The following MAGI3 variants were observed in gnomAD, a reference collection of about 807,000 sequenced individuals.
MAGI3 encodes the protein membrane associated guanylate kinase, WW and PDZ domain containing 3, also known as membrane-associated guanylate kinase, WW and PDZ domain-containing protein 3.
In MAGI3, 43 loss-of-function variants were observed where a neutral mutation model predicts 121.8. The ratio of observed to expected loss-of-function variants is 0.35; its 90% CI spans 0.28 to 0.46. The LOEUF (loss-of-function observed/expected upper bound fraction) is 0.46, where lower values mean the gene tolerates loss of function less well. Ranked by LOEUF, MAGI3 falls within the 20% of genes least tolerant of loss-of-function variation. The pLI, the probability that MAGI3 is intolerant of heterozygous loss-of-function variation, is 1.00. For synonymous variants in MAGI3, 553 were observed against 639.3 expected (o/e 0.86, Z 2.04); for missense variants, 1,547 against 1,797.3 (o/e 0.86, Z 2.52).
At chr1:113,532,432 A>G (rs944153151) in intron 1 of MAGI3, among the ~76,000 whole-genome samples, 3 of 151,560 alleles carry the variant, frequency 2.0e-5, no homozygotes, top group Non-Finnish European at 4.4e-5. Flanking sequence ...TTTTTTTTTA[A>G]GTTGTAAAAA....
chr1:113,592,563 C>A (rs572610934), intron 5 of MAGI3, among the ~76,000 whole-genome samples: 2 of 152,168 alleles, frequency 1.3e-5, no homozygotes, highest in South Asian at 4.1e-4. Context: ...GGCTCCTAGG[C>A]CCCTGAGTTC....
intron 6 of MAGI3, among the ~76,000 whole-genome samples, chr1:113,606,748 T>G (rs1649798481): frequency 6.6e-6 from 1 of 152,202 alleles, no homozygotes; most frequent in African/African-American, 2.4e-5. Flanking sequence ...CTCATAATCA[T>G]CTATGCCAAA....
intron 11 of MAGI3, 131 bp from the exon 12 acceptor site, chr1:113,646,355 C>A: frequency 1.6e-6 from 1 of 619,122 alleles, no homozygotes; most frequent in Non-Finnish European, 2.6e-6. Context: ...AACTGTAAAT[C>A]TGCTGTGTCT....
At chr1:113,674,634 T>A (rs983616705) in intron 19 of MAGI3, among the ~76,000 whole-genome samples, 2 of 152,108 alleles carry the variant, frequency 1.3e-5, no homozygotes, top group Non-Finnish European at 2.9e-5. Flanking sequence ...CTGGTAATTA[T>A]TAGATGGTAT....
At chr1:113,623,399 C>CTATA (rs34212342) in intron 9 of MAGI3, among the ~76,000 whole-genome samples, 105 of 143,372 alleles carry the variant, frequency 7.3e-4, no homozygotes, top group African/African-American at 2.6e-3. Context: ...TTCCTTCTAG[C>CTATA]TATATATATA....
At chr1:113,393,981 A>C (rs1650959527) in intron 1 of MAGI3, among the ~76,000 whole-genome samples, 1 of 152,188 alleles carries the variant, frequency 6.6e-6, no homozygotes, top group Non-Finnish European at 1.5e-5. Context: ...ATGTAATACT[A>C]ATCGGAAATG....
At chr1:113,549,374 T>C (rs1011576766) in intron 1 of MAGI3, 141 bp from the exon 2 acceptor site, 5 of 494,338 alleles carry the variant, frequency 1.0e-5, no homozygotes, top group East Asian at 3.2e-5. Flanking sequence ...TGTTCTTTTC[T>C]TTTTAGTAAA....
intron 7 of MAGI3, 145 bp from the exon 8 acceptor site, chr1:113,619,591 T>C (rs1165147219): frequency 1.7e-5 from 9 of 520,568 alleles, no homozygotes; most frequent in Non-Finnish European, 2.4e-5. Context: ...CCCTCTGCTA[T>C]CATCTATCAG....
chr1:113,630,598 A>G (rs561884101), intron 9 of MAGI3, among the ~76,000 whole-genome samples: 2 of 152,290 alleles, frequency 1.3e-5, no homozygotes, highest in East Asian at 1.9e-4. Flanking sequence ...AGAGCCCAGT[A>G]TCCGTGGTGT....
At chr1:113,631,721 A>G (rs1025649149) in intron 9 of MAGI3, among the ~76,000 whole-genome samples, 13 of 152,132 alleles carry the variant, frequency 8.5e-5, no homozygotes, top group African/African-American at 3.1e-4. Flanking sequence ...CGTTTTTCCC[A>G]AGTTTGTTTG....
intron 6 of MAGI3, among the ~76,000 whole-genome samples, chr1:113,597,353 T>C (rs1393906574): frequency 6.6e-6 from 1 of 152,194 alleles, no homozygotes; most frequent in African/African-American, 2.4e-5. Context: ...AGGAATCTTC[T>C]TGGAGTTATG....
In MAGI3 at chr1:113,437,854, CTTCTTCTTCCTCTTCTTCTT is replaced by C. The variant is rs1557756995; in HGVS notation, c.316+46506_316+46525del. ...TCTTCTTCTTCTTCTTCTTCTTCTT[CTTCTTCTTCCTCTTCTTCTT>C]CTTCTCCTTCTCCTTCTCCTTCTCC... On this transcript the variant is annotated intron_variant, in intron 1 of 20. Coordinates refer to ENST00000307546, the MANE Select transcript of MAGI3 (RefSeq NM_001142782.2). 9.3e-3 allele frequency among the ~76,000 whole-genome samples: 476 copies of C among 51,154 alleles called. 22 individuals are homozygous for C. Among genetic ancestry groups the C allele is most frequent in the Admixed American group, 9.6e-3 (44 of 4,588 alleles). The allele number at this position is 51,154 out of a possible 152,430, so 33.6% of individuals were successfully genotyped here.
At chr1:113,527,104 T>G (rs1432436131) in intron 1 of MAGI3, among the ~76,000 whole-genome samples, 1 of 152,208 alleles carries the variant, frequency 6.6e-6, no homozygotes, top group African/African-American at 2.4e-5. Flanking sequence ...AAGTGTTCTA[T>G]AATAGTTATT....
chr1:113,646,567 A>G lies in MAGI3; in HGVS notation c.2080A>G (p.Ile694Val). 1 of 1,613,790 alleles carries G rather than the reference A, an allele frequency of 6.2e-7. No individual in the cohort carries two copies. The highest frequency in any genetic ancestry group is 2.2e-5 in the East Asian group (1 of 44,844). Residue 694 changes from isoleucine (I) to valine (V), a missense_variant, in exon 12 of 21, where the codon ATT becomes GTT. By Grantham distance (29) the Ile-to-Val change is conservative. Transcript: ENST00000307546. The part of the protein sequence containing the change: ...IPQPMPFPPS[I>V]IRSGSPKLDP... ...TCAGCCTATGCCTTTTCCACCGAGC[A>G]TTATCAGGTCAGGATCCCCAAAATT...
chr1:113,616,461 C>T (rs1345167635), intron 7 of MAGI3, among the ~76,000 whole-genome samples: 1 of 152,190 alleles, frequency 6.6e-6, no homozygotes, highest in African/African-American at 2.4e-5. Context: ...TGAATGGCTA[C>T]TCTTTGGCTC....
chr1:113,642,382 A>C lies in MAGI3; in HGVS notation c.1832A>C (p.Gln611Pro), dbSNP rs1366933754. 2 of 1,614,204 alleles carry C rather than the reference A, an allele frequency of 1.2e-6. No homozygotes were observed. Among genetic ancestry groups the C allele is most frequent in the Non-Finnish European group, 1.7e-6 (2 of 1,180,036 alleles). Residue 611 changes from glutamine (Q) to proline (P), a missense_variant, in exon 10 of 21, where the codon CAA (glutamine) becomes CCA (proline). By Grantham distance (76) the Gln-to-Pro change is moderately conservative (BLOSUM62 -1). Transcript: ENST00000307546. ...ATGATACTGGATAGTCAGTGGTGTC[A>C]AGGCCTTCAGAAAGGAGATATAATT... ...VKMILDSQWC[Q>P]GLQKGDIIKE...
chr1:113,682,076 A>C, intron 20 of MAGI3: 1 of 945,240 alleles, frequency 1.1e-6, no homozygotes, highest in Non-Finnish European at 1.5e-6. Flanking sequence ...GTACCCTTCC[A>C]GCTTATGATT....
intron 7 of MAGI3, 52 bp from the exon 8 acceptor site, chr1:113,619,684 T>C: frequency 8.4e-7 from 1 of 1,194,888 alleles, no homozygotes; most frequent in South Asian, 1.3e-5. Flanking sequence ...TATTTAAGAA[T>C]ATGTTACTGT....
chr1:113,514,406 A>G (rs1439326904), intron 1 of MAGI3, among the ~76,000 whole-genome samples: 4 of 152,150 alleles, frequency 2.6e-5, no homozygotes, highest in Admixed American at 2.0e-4. Flanking sequence ...CTGGATTAAG[A>G]AAATGTGGCA....
Sources: gnomAD v4.1 joint callset for allele counts (sites outside exome capture counted in the v4.1 genomes callset) on GRCh38, gnomAD v4.1.1 for gene constraint, MANE v1.5 for transcripts, NCBI Gene and HGNC (gene_info 2026-07-23, HGNC 2026-07-21) for gene names.